The following AGAP1 variants were observed in gnomAD, a reference collection of about 807,000 sequenced individuals.
The protein encoded by AGAP1 is ArfGAP with GTPase domain, ankyrin repeat and PH domain 1.
In AGAP1, 29 loss-of-function variants were observed where a neutral mutation model predicts 105.3. The ratio of observed to expected loss-of-function variants is 0.28; its 90% CI spans 0.21 to 0.38. The LOEUF is 0.38. Among genes scored for constraint, AGAP1 ranks in the 10% least tolerant of loss-of-function variants. The pLI, the probability that AGAP1 is intolerant of heterozygous loss-of-function variation, is 1.00. For synonymous variants in AGAP1, 509 were observed against 485.9 expected (o/e 1.05, Z -0.63); for missense variants, 998 against 1,165.1 (o/e 0.86, Z 2.09).
In AGAP1 at chr2:235,789,572, C is replaced by A. The variant is rs185170738; in HGVS notation, c.674-8187C>A. 1.6e-3 allele frequency among the ~76,000 whole-genome samples: 241 copies of A among 152,210 alleles called. 1 individual carries two copies. Among genetic ancestry groups the A allele is most frequent in the Middle Eastern group, 0.01 (3 of 294 alleles). Reference sequence around the variant, plus strand: ...AAAGCTTCACTAGAAGAAATTTAAGCAAGCTTGGCTTTTTAACCACAGCCT... The same window carrying A: ...AAAGCTTCACTAGAAGAAATTTAAGAAAGCTTGGCTTTTTAACCACAGCCT... On this transcript the variant is annotated intron_variant, in intron 6 of 17. Transcript: ENST00000304032. The surrounding 1 kb of genome is among the most constrained non-coding windows in gnomAD (Gnocchi z 4.2).
intron 12 of AGAP1, among the ~76,000 whole-genome samples, chr2:235,932,973 C>T (rs974697748): frequency 2.0e-5 from 3 of 152,184 alleles, no homozygotes; most frequent in Non-Finnish European, 4.4e-5. Context: ...TATTAACACA[C>T]GTGGGTGTCC....
chr2:235,540,933 C>G (rs1216254983), intron 1 of AGAP1, among the ~76,000 whole-genome samples: 1 of 152,154 alleles, frequency 6.6e-6, no homozygotes, highest in Non-Finnish European at 1.5e-5. Flanking sequence ...CAACATGGCT[C>G]TCTATGTGGT....
chr2:235,798,870 CAAAAAAAAAAAA>C (rs1041317180), intron 7 of AGAP1, among the ~76,000 whole-genome samples: 4 of 49,004 alleles, frequency 8.2e-5, no homozygotes, highest in African/African-American at 2.5e-4. Flanking sequence ...GACCCTGTCT[CAAAAAAAAAAAA>C]AAAAAAAAAA....
At chr2:235,838,993 G>A (rs1960488943) in intron 9 of AGAP1, among the ~76,000 whole-genome samples, 1 of 152,114 alleles carries the variant, frequency 6.6e-6, no homozygotes. Flanking sequence ...TTAAGCTAAC[G>A]CGGGTGTACG....
At position 235,741,974 on chromosome 2, in the gene AGAP1, C is replaced by T. The variant is rs1336513010; in HGVS notation, c.396+926C>T. Among the ~76,000 whole-genome samples the T allele has an allele frequency of 1.3e-5, 2 of 151,988 alleles. No individual in the cohort carries two copies. Among genetic ancestry groups the T allele is most frequent in the Admixed American group, 1.3e-4 (2 of 15,248 alleles). ...TTCACCATGTTAGCCAGGATGGTCT[C>T]GATCTCCTGACCTCGTGATCCACTC... is the stretch of plus-strand genomic sequence containing the variant. On this transcript the variant is annotated intron_variant, in intron 4 of 17. Transcript: ENST00000304032. The surrounding 1 kb of genome is among the most constrained non-coding windows in gnomAD (Gnocchi z 4.9).
chr2:236,076,260 G>A lies in AGAP1; in HGVS notation c.2114+26979G>A, dbSNP rs2058632824. ...AGGTCAGGAGTTCGAGACCAGCCTG[G>A]CCAACATGGTGAACCCCCATCTACT... On this transcript the variant is annotated intron_variant, in intron 16 of 17. Transcript: ENST00000304032. This position sits in a 1 kb window ranked among gnomAD's most constrained non-coding sequence, Gnocchi z 4.4. Among the ~76,000 whole-genome samples the A allele has an allele frequency of 6.6e-6, 1 of 152,076 alleles. No homozygotes were observed. Among genetic ancestry groups the A allele is most frequent in the African/African-American group, 2.4e-5 (1 of 41,418 alleles).
At chr2:235,871,875 C>T (rs1487585561) in intron 9 of AGAP1, among the ~76,000 whole-genome samples, 1 of 152,080 alleles carries the variant, frequency 6.6e-6, no homozygotes, top group African/African-American at 2.4e-5. Flanking sequence ...AGCCCAGGGT[C>T]AGTGTGGGAG....
At chr2:235,546,529 A>C (rs1049288494) in intron 1 of AGAP1, among the ~76,000 whole-genome samples, 1 of 152,144 alleles carries the variant, frequency 6.6e-6, no homozygotes, top group Non-Finnish European at 1.5e-5. Flanking sequence ...CTCTGCTGGG[A>C]AGCCAGGCTG....
chr2:235,495,274 G>A (rs1296728012), intron 1 of AGAP1, among the ~76,000 whole-genome samples: 1 of 152,206 alleles, frequency 6.6e-6, no homozygotes, highest in Non-Finnish European at 1.5e-5. Context: ...TGCCGCTGGG[G>A]GCGAGGCCCG....
In AGAP1 at chr2:235,549,029, A is replaced by T. The variant is rs1177479939; in HGVS notation, c.163+54180A>T. On this transcript the variant is annotated intron_variant, in intron 1 of 17. Transcript: ENST00000304032. This position sits in a 1 kb window ranked among gnomAD's most constrained non-coding sequence, Gnocchi z 4.2. The stretch of plus-strand genomic sequence containing the variant: ...GCAAGGTGGTCCGAGCCTGGGTGGA[A>T]AGCACTGCAGGGCAGCTTGTGCAGA... 6.6e-6 allele frequency among the ~76,000 whole-genome samples: 1 copy of T among 152,162 alleles called. No homozygotes were observed. Among genetic ancestry groups the T allele is most frequent in the Non-Finnish European group, 1.5e-5 (1 of 68,024 alleles).
chr2:236,004,639 T>C (rs2056254893), intron 13 of AGAP1, among the ~76,000 whole-genome samples: 1 of 152,190 alleles, frequency 6.6e-6, no homozygotes, highest in African/African-American at 2.4e-5. Flanking sequence ...AATTATTGCC[T>C]CCAAAGAATA....
At chr2:236,100,670 CA>C (rs2059324473) in intron 16 of AGAP1, among the ~76,000 whole-genome samples, 1 of 151,820 alleles carries the variant, frequency 6.6e-6, no homozygotes, top group Non-Finnish European at 1.5e-5. Flanking sequence ...ACTAAAAATA[CA>C]AAAAAGATTA....
In AGAP1 at chr2:235,982,474, C is replaced by A. The variant is rs2125412919; in HGVS notation, c.1645+13851C>A. Among the ~76,000 whole-genome samples the A allele has an allele frequency of 6.6e-6, 1 of 152,254 alleles. No homozygotes were observed. Reference sequence around the variant, plus strand: ...GGACGATTCATGCAATGAGGCACTGCTGTTGTGGGGTGTTGGTTTGAAGAA... The same window carrying A: ...GGACGATTCATGCAATGAGGCACTGATGTTGTGGGGTGTTGGTTTGAAGAA... On this transcript the variant is annotated intron_variant, in intron 13 of 17. Coordinates refer to ENST00000304032, the MANE Select transcript of AGAP1 (RefSeq NM_001037131.3). This position sits in a 1 kb window ranked among gnomAD's most constrained non-coding sequence, Gnocchi z 4.9.
chr2:235,917,063 G>A (rs553439453), intron 11 of AGAP1, among the ~76,000 whole-genome samples: 1 of 152,238 alleles, frequency 6.6e-6, no homozygotes, highest in African/African-American at 2.4e-5. Context: ...TGTCTCTAAA[G>A]TGTGTCTTTG....
rs3030749 is a variant in AGAP1, at chr2:236,079,553, T to TAC, written c.2114+30288_2114+30289dup. On this transcript the variant is annotated intron_variant, in intron 16 of 17. Transcript: ENST00000304032. Reference sequence around the variant, plus strand: ...TCAAAAAAAAAAAATTATATATATATACACACACACACACACATACATACA... The same window carrying TAC: ...TCAAAAAAAAAAAATTATATATATATACACACACACACACACACATACATACA... 1.5e-3 allele frequency among the ~76,000 whole-genome samples: 197 copies of TAC among 129,528 alleles called. 1 individual carries two copies. Among genetic ancestry groups the TAC allele is most frequent in the Middle Eastern group, 0.011 (3 of 264 alleles). 85.0% of individuals were successfully genotyped at this position (129,528 alleles called of 152,430 possible).
chr2:235,518,178 G>C (rs1425896381), intron 1 of AGAP1, among the ~76,000 whole-genome samples: 1 of 152,210 alleles, frequency 6.6e-6, no homozygotes, highest in Admixed American at 6.5e-5. Context: ...CTGCTGCATT[G>C]GTTTCACTGT....
intron 1 of AGAP1, among the ~76,000 whole-genome samples, chr2:235,604,614 G>T (rs1165807962): frequency 3.9e-5 from 4 of 102,116 alleles, no homozygotes; most frequent in Non-Finnish European, 7.1e-5. Flanking sequence ...ATGGAGTCTC[G>T]CTCTGTTGCC....
intron 6 of AGAP1, among the ~76,000 whole-genome samples, chr2:235,771,368 ACT>A (rs772370497): frequency 2.0e-5 from 3 of 152,094 alleles, no homozygotes; most frequent in Non-Finnish European, 4.4e-5. Context: ...CCTTGGGGCC[ACT>A]CTGGGGCTCC....
At position 235,981,120 on chromosome 2, in the gene AGAP1, A is replaced by G. The variant is rs1454583954; in HGVS notation, c.1645+12497A>G. Among the ~76,000 whole-genome samples the G allele has an allele frequency of 6.6e-6, 1 of 152,190 alleles. No homozygotes were observed. ...GGAATTAGACACCCCAGAGTATGTG[A>G]TCACTGTGAGATGTTTCTCAAAGTC... On this transcript the variant is annotated intron_variant, in intron 13 of 17. Transcript: ENST00000304032. This position sits in a 1 kb window ranked among gnomAD's most constrained non-coding sequence, Gnocchi z 5.5.
Sources: gnomAD v4.1 joint callset for allele counts (sites outside exome capture counted in the v4.1 genomes callset) on GRCh38, gnomAD v4.1.1 for gene constraint, Gnocchi (gnomAD v3.1) non-coding constraint, MANE v1.5 for transcripts, NCBI Gene and HGNC (gene_info 2026-07-23, HGNC 2026-07-21) for gene names.